Variants in SNX29 observed in about 807,000 individuals in gnomAD.
The protein encoded by SNX29 is sorting nexin 29, also known as sorting nexin-29.
Under a neutral mutation model 102.1 loss-of-function variants are expected in SNX29, and 78 were observed. That is an observed-to-expected ratio of 0.76 (90% CI 0.64 to 0.92). The LOEUF (loss-of-function observed/expected upper bound fraction) is 0.92. SNX29 is among the 40% of genes least tolerant of loss of function. The pLI is 0.00. For synonymous variants in SNX29, 580 were observed against 414.5 expected, an observed-to-expected ratio of 1.40 and a Z score of -4.85; for missense variants, 1,280 against 1,061.7, an observed-to-expected ratio of 1.21 and a Z score of -2.86.
chr16:12,271,268 C>T (rs1389935017), intron 14 of SNX29, among the ~76,000 whole-genome samples: 1 of 152,344 alleles, frequency 6.6e-6, no homozygotes, highest in African/African-American at 2.4e-5. Flanking sequence ...TTGGAGGCTG[C>T]GGTTGTCCCA....
intron 4 of SNX29, among the ~76,000 whole-genome samples, chr16:12,041,941 G>T (rs1003978247): frequency 3.9e-5 from 6 of 152,132 alleles, no homozygotes; most frequent in Admixed American, 3.3e-4. Flanking sequence ...GAAAACTCTT[G>T]AAAATGTCAA....
chr16:12,357,854 C>G (rs748168194), intron 16 of SNX29, among the ~76,000 whole-genome samples: 7 of 152,240 alleles, frequency 4.6e-5, no homozygotes, highest in Non-Finnish European at 1.0e-4. Context: ...ATTTGCCTTA[C>G]AGAGGTTTTC....
chr16:12,063,364 A>ATTTTTTTTTT (rs1567173140), intron 9 of SNX29, among the ~76,000 whole-genome samples: 3 of 48,232 alleles, frequency 6.2e-5, no homozygotes, highest in Non-Finnish European at 8.8e-5. Context: ...TTCCTAGTCC[A>ATTTTTTTTTT]TCTTTTTTTT....
In SNX29 at chr16:12,397,920, C is replaced by G. The variant is rs562476388; in HGVS notation, c.1900-526C>G. ...CCATGCCACACAGTTTAGTTTCTCT[C>G]CCCTAGTCATCATCTCATGTGGCCC... On this transcript the variant is annotated intron_variant, in intron 16 of 20. Coordinates refer to ENST00000566228, the MANE Select transcript of SNX29 (RefSeq NM_032167.5). Among the ~76,000 whole-genome samples, 5 of 152,290 alleles carry G rather than the reference C, an allele frequency of 3.3e-5. No homozygotes were observed. In the South Asian group the frequency reaches 8.3e-4, roughly 25 times the overall value.
At chr16:12,465,606 G>A (rs546431792) in intron 18 of SNX29, among the ~76,000 whole-genome samples, 1 of 152,150 alleles carries the variant, frequency 6.6e-6, no homozygotes, top group East Asian at 1.9e-4. Flanking sequence ...GATTACTGTC[G>A]TTTTGTAGTA....
intron 3 of SNX29, among the ~76,000 whole-genome samples, chr16:12,011,666 T>A (rs8051349): frequency 0.55 from 83,102 of 151,900 alleles, 23,469 homozygotes; most frequent in Non-Finnish European, 0.6. Flanking sequence ...ATAATAAACA[T>A]TATGTTAGCA....
chr16:12,057,782 C>A (rs1423568043), intron 8 of SNX29, among the ~76,000 whole-genome samples: 2 of 150,690 alleles, frequency 1.3e-5, no homozygotes, highest in Admixed American at 6.6e-5. Context: ...CTAATGAGTA[C>A]ATATATACAT....
At chr16:12,560,015 T>C (rs1567201116) in intron 20 of SNX29, among the ~76,000 whole-genome samples, 2 of 152,200 alleles carry the variant, frequency 1.3e-5, no homozygotes, top group Non-Finnish European at 1.5e-5. Context: ...ACTTACATTT[T>C]GGAAGACTTA....
chr16:12,165,673 G>T (rs953938836), intron 13 of SNX29, among the ~76,000 whole-genome samples: 9 of 152,204 alleles, frequency 5.9e-5, no homozygotes, highest in African/African-American at 2.2e-4. Context: ...CAGTTCTTCT[G>T]CCTCAGCCTC....
At chr16:12,302,754 G>A (rs2080219180) in intron 15 of SNX29, among the ~76,000 whole-genome samples, 2 of 152,204 alleles carry the variant, frequency 1.3e-5, no homozygotes, top group African/African-American at 4.8e-5. Context: ...GAAACTTCCT[G>A]CTAGGTAATA....
At position 12,129,487 on chromosome 16, in the gene SNX29, A is replaced by G. The variant is rs1015575268; in HGVS notation, c.1467-143A>G. On this transcript the variant is annotated intron_variant, in intron 12 of 20. Coordinates refer to ENST00000566228, the MANE Select transcript of SNX29 (RefSeq NM_032167.5). Reference sequence around the variant, plus strand: ...TTAGAGTTTGCTATCTCCAGTTCACATGAGATAGACTTGAATTATGGTTTA... The same window carrying G: ...TTAGAGTTTGCTATCTCCAGTTCACGTGAGATAGACTTGAATTATGGTTTA... 3.7e-6 allele frequency: 4 copies of G among 1,089,528 alleles called. No individual in the cohort carries two copies. The African/African-American group carries it at 6.5e-5, about 18-fold the overall frequency. The allele number at this position is 1,089,528 out of a possible 1,614,324, so 67.5% of individuals were successfully genotyped here. A position where few individuals can be genotyped will look rare whatever the true frequency, so the allele number is the denominator to read the frequency against.
rs371356616 is a variant in SNX29 at position 12,139,177 on chromosome 16, C to T, written c.1595+9419C>T. Among the ~76,000 whole-genome samples, 383 of 114,962 alleles carry T rather than the reference C, an allele frequency of 3.3e-3. 1 individual carries two copies. The highest frequency in any genetic ancestry group is 0.013 in the African/African-American group (359 of 28,478). The allele number at this position is 114,962 out of a possible 152,430, so 75.4% of individuals were successfully genotyped here. A position where few individuals can be genotyped will look rare whatever the true frequency, so the allele number is the denominator to read the frequency against. On this transcript the variant is annotated intron_variant, in intron 13 of 20. Transcript: ENST00000566228. Reference sequence around the variant, plus strand: ...CGGCCACTGTACTCCAGAGCCTGGGCGATAGAGCGAGACTCTAAAAAAAAA... The same window carrying T: ...CGGCCACTGTACTCCAGAGCCTGGGTGATAGAGCGAGACTCTAAAAAAAAA...
intron 19 of SNX29, among the ~76,000 whole-genome samples, chr16:12,522,015 G>C (rs1033263407): frequency 1.3e-5 from 2 of 152,144 alleles, no homozygotes; most frequent in African/African-American, 4.8e-5. Flanking sequence ...CATCGGAGGT[G>C]GCTTTGGAGA....
At chr16:12,528,288 C>T (rs867836493) in intron 20 of SNX29, among the ~76,000 whole-genome samples, 4 of 152,266 alleles carry the variant, frequency 2.6e-5, no homozygotes, top group Middle Eastern at 3.4e-3. Flanking sequence ...CAACCTCTAC[C>T]TCCGGTTCAA....
At chr16:12,508,919 C>G (rs537893516) in intron 19 of SNX29, among the ~76,000 whole-genome samples, 1 of 152,272 alleles carries the variant, frequency 6.6e-6, no homozygotes, top group South Asian at 2.1e-4. Context: ...GGGGTCCTGG[C>G]CATAATACTT....
intron 20 of SNX29, among the ~76,000 whole-genome samples, chr16:12,549,986 G>A (rs145014157): frequency 6.6e-6 from 1 of 152,348 alleles, no homozygotes; most frequent in African/African-American, 2.4e-5. Flanking sequence ...CACACTTCAT[G>A]TATAGCTTCT....
intron 4 of SNX29, among the ~76,000 whole-genome samples, chr16:12,031,895 A>G (rs909230901): frequency 2.0e-5 from 3 of 152,238 alleles, no homozygotes; most frequent in African/African-American, 7.2e-5. Flanking sequence ...TGTACAATTC[A>G]GTGTAAGTGT....
At position 12,486,720 on chromosome 16, in the gene SNX29, C is replaced by A. The variant is rs139137914; in HGVS notation, c.2178+8861C>A. Among the ~76,000 whole-genome samples the A allele has an allele frequency of 6.4e-4, 97 of 152,282 alleles. 1 individual carries two copies. In the East Asian group the frequency reaches 0.017, roughly 27 times the overall value. ...TAACTCCCTAAGTCAACTCCTCAAC[C>A]TCAGTGCCGTGGAGAGCAGGGGGCG... On this transcript the variant is annotated intron_variant, in intron 19 of 20. Coordinates refer to ENST00000566228, the MANE Select transcript of SNX29 (RefSeq NM_032167.5).
chr16:12,164,680 CT>C (rs34046413), intron 13 of SNX29, among the ~76,000 whole-genome samples: 3,945 of 90,522 alleles, frequency 0.044, 52 homozygotes, highest in African/African-American at 0.11. Context: ...TTATTCATGC[CT>C]TTTTTTTTTT....
Sources: allele counts gnomAD v4.1 joint callset (sites outside exome capture counted in the v4.1 genomes callset), GRCh38; gene constraint gnomAD v4.1.1; transcripts MANE v1.5; gene names NCBI Gene and HGNC (gene_info 2026-07-23, HGNC 2026-07-21).